TTC29: variants seen among roughly 807,000 people sequenced by gnomAD.
TTC29 encodes the protein tetratricopeptide repeat domain 29, also known as tetratricopeptide repeat protein 29.
TTC29 carries 49 observed loss-of-function variants against 58.1 expected under a neutral mutation model. The observed-to-expected ratio is 0.84, with a 90% CI of 0.67 to 1.07. The LOEUF (loss-of-function observed/expected upper bound fraction) is 1.07, where lower values mean the gene tolerates loss of function less well. Among genes scored for constraint, TTC29 ranks in the 50% least tolerant of loss-of-function variants. The pLI is 0.00. For missense variants in TTC29, 582 were observed against 555.6 expected, an observed-to-expected ratio of 1.05 and a Z score of -0.48; for synonymous variants, 209 against 196.8, an observed-to-expected ratio of 1.06 and a Z score of -0.52.
intron 6 of TTC29, among the ~76,000 whole-genome samples, chr4:146,881,225 G>A (rs1358779921): frequency 6.6e-6 from 1 of 152,044 alleles, no homozygotes; most frequent in African/African-American, 2.4e-5. Flanking sequence ...TCTGAAAATA[G>A]CTAATTATTT....
intron 11 of TTC29, among the ~76,000 whole-genome samples, chr4:146,755,004 C>T (rs1457445238): frequency 6.6e-6 from 1 of 151,896 alleles, no homozygotes; most frequent in Admixed American, 6.6e-5. Context: ...GAAAAACCCA[C>T]AAAAGAATGG....
In TTC29 at chr4:146,743,142, C is replaced by T. The variant is rs184199424; in HGVS notation, c.1331-35591G>A. Among the ~76,000 whole-genome samples, 8 of 151,944 alleles carry T rather than the reference C, an allele frequency of 5.3e-5. No homozygotes were observed. In the East Asian group the frequency reaches 5.8e-4, roughly 11 times the overall value. ...TTAAATTTCATGTAGAAAACATTCT[C>T]GGTGACACACTTTTTTTAAAAAGAA... On this transcript the variant is annotated intron_variant, in intron 11 of 12. Coordinates refer to ENST00000325106, the MANE Select transcript of TTC29 (RefSeq NM_031956.4).
chr4:146,899,972 G>C (rs1733032312), intron 6 of TTC29, among the ~76,000 whole-genome samples: 1 of 152,166 alleles, frequency 6.6e-6, no homozygotes, highest in Non-Finnish European at 1.5e-5. Flanking sequence ...CGCTTGTCTG[G>C]ACCAATCAGA....
rs565601074 is a variant in TTC29 at position 146,807,884 on chromosome 4, T to C, written c.1102-4199A>G. On this transcript the variant is annotated intron_variant, in intron 10 of 12. Transcript: ENST00000325106. ...AAAAGAGGGACTTCTCCCTAATTCATCTTATGAGGCCGGCATCATCCTGAT... is the reference window on the plus strand; with the variant it reads ...AAAAGAGGGACTTCTCCCTAATTCACCTTATGAGGCCGGCATCATCCTGAT... Among the ~76,000 whole-genome samples the C allele has an allele frequency of 3.9e-5, 6 of 152,246 alleles. No homozygotes were observed. In the South Asian group the frequency reaches 8.3e-4, roughly 21 times the overall value.
rs1209174993 is a variant in TTC29, at chr4:146,708,330, A to ACATG, written c.1331-780_1331-779insCATG. 2.8e-3 allele frequency among the ~76,000 whole-genome samples: 178 copies of ACATG among 64,028 alleles called. 7 individuals are homozygous for ACATG. The highest frequency in any genetic ancestry group is 7.6e-3 in the African/African-American group (168 of 22,126). 42.0% of individuals were successfully genotyped at this position (64,028 alleles called of 152,430 possible). A position where few individuals can be genotyped will look rare whatever the true frequency, so the allele number is the denominator to read the frequency against. On this transcript the variant is annotated intron_variant, in intron 11 of 12. Coordinates refer to ENST00000325106, the MANE Select transcript of TTC29 (RefSeq NM_031956.4). ...AGTTTATATATATATATATATATAT[A>ACATG]TATATATATATATATATATATATAT...
chr4:146,828,591 C>T (rs1213341885), intron 9 of TTC29, among the ~76,000 whole-genome samples: 7 of 151,902 alleles, frequency 4.6e-5, no homozygotes, highest in African/African-American at 9.7e-5. Flanking sequence ...TTAGATTTGG[C>T]CTGCTGAGGA....
intron 8 of TTC29, among the ~76,000 whole-genome samples, chr4:146,845,761 T>C (rs956951416): frequency 1.2e-4 from 18 of 152,238 alleles, no homozygotes; most frequent in African/African-American, 4.1e-4. Flanking sequence ...CAGGCCCCGC[T>C]GCCTGCATTG....
At chr4:146,882,048 A>G (rs1731664274) in intron 6 of TTC29, among the ~76,000 whole-genome samples, 1 of 152,174 alleles carries the variant, frequency 6.6e-6, no homozygotes, top group Non-Finnish European at 1.5e-5. Flanking sequence ...CAGACAATGT[A>G]AAGAATCCCA....
intron 6 of TTC29, among the ~76,000 whole-genome samples, chr4:146,900,317 C>T (rs1304215267): frequency 1.3e-5 from 2 of 152,200 alleles, no homozygotes; most frequent in African/African-American, 4.8e-5. Flanking sequence ...ATAACACACT[C>T]TCAAATGATC....
At chr4:146,933,238 C>T (rs373539740) in intron 4 of TTC29, among the ~76,000 whole-genome samples, 26 of 152,204 alleles carry the variant, frequency 1.7e-4, no homozygotes, top group African/African-American at 5.5e-4. Flanking sequence ...CTTAGAGATG[C>T]CCACAATTTT....
chr4:146,888,084 T>C (rs1409112766), intron 6 of TTC29, among the ~76,000 whole-genome samples: 1 of 152,136 alleles, frequency 6.6e-6, no homozygotes, highest in East Asian at 1.9e-4. Context: ...ACTCTGTATG[T>C]GTTTAATGTT....
intron 6 of TTC29, among the ~76,000 whole-genome samples, chr4:146,897,025 C>T (rs1489175380): frequency 6.6e-6 from 1 of 152,096 alleles, no homozygotes; most frequent in Non-Finnish European, 1.5e-5. Context: ...TCCTACATTC[C>T]TCAGTTAGGA....
chr4:146,818,921 C>T (rs1751625498), intron 10 of TTC29, among the ~76,000 whole-genome samples: 1 of 151,182 alleles, frequency 6.6e-6, no homozygotes, highest in Admixed American at 6.6e-5. Context: ...ACATCACACT[C>T]TGGGGACTGT....
At chr4:146,865,605 T>C (rs1483839966) in intron 8 of TTC29, among the ~76,000 whole-genome samples, 1 of 152,092 alleles carries the variant, frequency 6.6e-6, no homozygotes, top group African/African-American at 2.4e-5. Context: ...AACCTCAGCA[T>C]CACAAAACAT....
intron 8 of TTC29, among the ~76,000 whole-genome samples, chr4:146,858,102 C>T (rs1213818539): frequency 1.3e-5 from 2 of 152,170 alleles, no homozygotes; most frequent in African/African-American, 4.8e-5. Flanking sequence ...ATAATGGTAT[C>T]TTACAGTTGA....
At chr4:146,940,121 T>C (rs765830737) in intron 2 of TTC29, among the ~76,000 whole-genome samples, 4 of 152,184 alleles carry the variant, frequency 2.6e-5, no homozygotes, top group Non-Finnish European at 5.9e-5. Context: ...AACTTATTAT[T>C]TGTCTGTATC....
chr4:146,940,687 G>C (rs1289139240), intron 2 of TTC29, among the ~76,000 whole-genome samples: 2 of 152,144 alleles, frequency 1.3e-5, no homozygotes, highest in Non-Finnish European at 2.9e-5. Flanking sequence ...CTCAACTGGG[G>C]CTATCTGCCA....
chr4:146,895,185 A>G (rs1732688297), intron 6 of TTC29, among the ~76,000 whole-genome samples: 1 of 152,152 alleles, frequency 6.6e-6, no homozygotes, highest in South Asian at 2.1e-4. Flanking sequence ...ATAGTATTCC[A>G]TGGACACCTC....
At chr4:146,735,925 T>C (rs1162102183) in intron 11 of TTC29, among the ~76,000 whole-genome samples, 1 of 151,948 alleles carries the variant, frequency 6.6e-6, no homozygotes, top group Non-Finnish European at 1.5e-5. Flanking sequence ...CCCAGCAAGG[T>C]AGAAATATTT....
Sources: allele counts gnomAD v4.1 joint callset (sites outside exome capture counted in the v4.1 genomes callset), GRCh38; gene constraint gnomAD v4.1.1; transcripts MANE v1.5; gene names NCBI Gene and HGNC (gene_info 2026-07-23, HGNC 2026-07-21).